The following DGLUCY variants were observed in gnomAD, a reference collection of about 807,000 sequenced individuals.
DGLUCY encodes the protein D-glutamate cyclase, also known as D-glutamate cyclase, mitochondrial.
A neutral mutation model predicts 58.5 loss-of-function variants in DGLUCY; 58 were observed. The ratio of observed to expected loss-of-function variants is 0.99; its 90% CI spans 0.80 to 1.23. The LOEUF (loss-of-function observed/expected upper bound fraction) is 1.23. DGLUCY is among the 50% of genes most tolerant of loss of function. The probability of loss-of-function intolerance (pLI) is 0.00; values close to 1 mark genes in which losing one functional copy is unlikely to be tolerated. For missense variants in DGLUCY, 779 were observed against 784.7 expected, an observed-to-expected ratio of 0.99 and a Z score of 0.09; for synonymous variants, 325 against 314.1, an observed-to-expected ratio of 1.03 and a Z score of -0.37.
At chr14:91,066,469 C>T (rs894811367) in intron 1 of DGLUCY, among the ~76,000 whole-genome samples, 8 of 151,660 alleles carry the variant, frequency 5.3e-5, no homozygotes, top group South Asian at 4.2e-4. Context: ...GAACGGGGTC[C>T]GTGCTCACCC....
At chr14:91,188,595 G>A (rs143414067) in intron 8 of DGLUCY, among the ~76,000 whole-genome samples, 80 of 152,304 alleles carry the variant, frequency 5.3e-4, no homozygotes, top group African/African-American at 1.8e-3. Context: ...GGAGGCCAAG[G>A]TGGGAAGATT....
Position 91,130,305 on chromosome 14 carries a change from C to CTTTT in DGLUCY, c.-82+16034_-82+16037dup, listed in dbSNP as rs1187190275. Among the ~76,000 whole-genome samples the CTTTT allele has an allele frequency of 2.2e-5, 3 of 137,252 alleles. 1 individual carries two copies. 90.0% of individuals were successfully genotyped at this position (137,252 alleles called of 152,430 possible). Reference sequence around the variant, plus strand: ...CTTGAAGTGAAGAATCTTTTCTTTTCTTTTTTTTTTTTTTTAGACAGAGTC... The same window carrying CTTTT: ...CTTGAAGTGAAGAATCTTTTCTTTTCTTTTTTTTTTTTTTTTTTTAGACAGAGTC... On this transcript the variant is annotated intron_variant, in intron 1 of 13. Coordinates refer to ENST00000256324, the MANE Select transcript of DGLUCY (RefSeq NM_001102368.3).
intron 12 of DGLUCY, among the ~76,000 whole-genome samples, chr14:91,214,519 T>A (rs903126717): frequency 2.6e-5 from 4 of 152,262 alleles, no homozygotes; most frequent in Non-Finnish European, 5.9e-5. Flanking sequence ...GAGGGTGGGC[T>A]TCCACGTGGC....
intron 4 of DGLUCY, chr14:91,167,709 C>T (rs2048362270): frequency 1.4e-6 from 1 of 700,306 alleles, no homozygotes; most frequent in Non-Finnish European, 2.6e-6. Context: ...ATAAAAAACA[C>T]TTGCATTACC....
At chr14:91,161,455 C>T (rs2047976374) in intron 3 of DGLUCY, among the ~76,000 whole-genome samples, 1 of 152,238 alleles carries the variant, frequency 6.6e-6, no homozygotes, top group Non-Finnish European at 1.5e-5. Context: ...GGCGCTTCTT[C>T]TGTTCCATGT....
At chr14:91,101,174 G>A (rs1295034483) in intron 1 of DGLUCY, among the ~76,000 whole-genome samples, 1 of 152,136 alleles carries the variant, frequency 6.6e-6, no homozygotes, top group Admixed American at 6.5e-5. Context: ...ATAGATCAGT[G>A]GGGTAACTAT....
At chr14:91,224,547 A>T in intron 13 of DGLUCY, 137 bp from the exon 14 acceptor site, 2 of 916,598 alleles carry the variant, frequency 2.2e-6, no homozygotes, top group Non-Finnish European at 3.1e-6. Context: ...TGGTATTAGT[A>T]CTTTAAACCA....
chr14:91,073,304 G>A (rs1416193206), intron 1 of DGLUCY, among the ~76,000 whole-genome samples: 1 of 152,038 alleles, frequency 6.6e-6, no homozygotes, highest in Non-Finnish European at 1.5e-5. Flanking sequence ...AGCCAGGTGT[G>A]ATGGCACACG....
At chr14:91,109,750 A>G (rs2044662327), upstream of DGLUCY, among the ~76,000 whole-genome samples, 1 of 152,120 alleles carries the variant, frequency 6.6e-6, no homozygotes. Context: ...AGCTCATGTA[A>G]CCCTAACTAC....
chr14:91,098,508 T>G (rs2044432293), intron 1 of DGLUCY, among the ~76,000 whole-genome samples: 1 of 152,174 alleles, frequency 6.6e-6, no homozygotes, highest in Non-Finnish European at 1.5e-5. Context: ...TGTATTACCT[T>G]TGCTTTTTAA....
intron 1 of DGLUCY, chr14:91,090,993 A>C (rs1030320230): frequency 1.3e-5 from 2 of 152,174 alleles, no homozygotes; most frequent in Non-Finnish European, 2.9e-5. Context: ...GTCAGCATGG[A>C]CTTTACCCCT....
At chr14:91,089,278 G>T (rs540539263) in intron 1 of DGLUCY, among the ~76,000 whole-genome samples, 2 of 152,316 alleles carry the variant, frequency 1.3e-5, no homozygotes, top group South Asian at 4.1e-4. Context: ...GCCGGTGGCA[G>T]CTCTGTCAGG....
intron 8 of DGLUCY, among the ~76,000 whole-genome samples, chr14:91,184,550 T>TGAAAGAAAGAAAGAAAGAAAGAAA (rs367861135): frequency 4.5e-4 from 43 of 95,630 alleles, no homozygotes; most frequent in African/African-American, 1.4e-3. Context: ...CAATACCCTG[T>TGAAAGAAAGAAAGAAAGAAAGAAA]GAAAGAAAGA....
At chr14:91,163,523 C>T (rs561569221) in intron 3 of DGLUCY, among the ~76,000 whole-genome samples, 3 of 152,260 alleles carry the variant, frequency 2.0e-5, no homozygotes, top group East Asian at 1.9e-4. Flanking sequence ...TAATGAGCTC[C>T]GGGCCCTGCG....
At chr14:91,106,980 G>A (rs78981937), upstream of DGLUCY, among the ~76,000 whole-genome samples, 3 of 152,128 alleles carry the variant, frequency 2.0e-5, no homozygotes, top group Non-Finnish European at 2.9e-5. Context: ...GTTACAGTTT[G>A]CAATTGCTTA....
intron 7 of DGLUCY, among the ~76,000 whole-genome samples, chr14:91,177,810 A>G (rs2048945735): frequency 6.6e-6 from 1 of 152,238 alleles, no homozygotes; most frequent in Non-Finnish European, 1.5e-5. Context: ...CCATTTGTTC[A>G]TTTATTTAAG....
chr14:91,189,004 G>C lies in DGLUCY; in HGVS notation c.1029G>C (p.Gly343=). The part of the protein sequence containing the change: ...SHARSVLITT[G]FPTHFNHEPP... The stretch of plus-strand genomic sequence containing the variant: ...CCCGCTCAGTGCTCATCACCACTGG[G>C]TTCCCCACACATTTCAATCATGAGC... The change falls in exon 9 of 14, where the codon GGG becomes GGC. Residue 343 remains glycine, a synonymous_variant. Coordinates refer to ENST00000256324, the MANE Select transcript of DGLUCY (RefSeq NM_001102368.3). 1.2e-6 allele frequency: 2 copies of C among 1,614,170 alleles called. No individual in the cohort carries two copies. Among genetic ancestry groups the C allele is most frequent in the Non-Finnish European group, 1.7e-6 (2 of 1,180,022 alleles).
Position 91,098,962 on chromosome 14 carries a change from A to C in DGLUCY, c.-82+38258A>C, listed in dbSNP as rs76659184. On this transcript the variant is annotated intron_variant, in intron 1 of 4. Coordinates refer to the DGLUCY transcript ENST00000521334. ...GAATAAAAGAAAATTTAATGCATGT[A>C]GGTCTTTAGCTTATTTATCTTGATG... is the stretch of plus-strand genomic sequence containing the variant. 5.6e-3 allele frequency among the ~76,000 whole-genome samples: 848 copies of C among 152,354 alleles called. 9 individuals carry two copies. Among genetic ancestry groups the C allele is most frequent in the African/African-American group, 0.019 (808 of 41,586 alleles).
At chr14:91,101,515 T>C (rs2044486669) in intron 1 of DGLUCY, among the ~76,000 whole-genome samples, 1 of 152,162 alleles carries the variant, frequency 6.6e-6, no homozygotes, top group Non-Finnish European at 1.5e-5. Flanking sequence ...GCCCTTACAA[T>C]GATATGACAT....
Sources: allele counts gnomAD v4.1 joint callset (sites outside exome capture counted in the v4.1 genomes callset), GRCh38; gene constraint gnomAD v4.1.1; transcripts MANE v1.5; gene names NCBI Gene and HGNC (gene_info 2026-07-23, HGNC 2026-07-21).